CA10: variants seen among roughly 807,000 people sequenced by gnomAD.
CA10 encodes the protein carbonic anhydrase 10 (inactive).
In CA10, 14 loss-of-function variants were observed where a neutral mutation model predicts 44.2. The ratio of observed to expected loss-of-function variants is 0.32; its 90% CI spans 0.21 to 0.50. The LOEUF (loss-of-function observed/expected upper bound fraction) is 0.50. Ranked by LOEUF, CA10 falls within the 20% of genes least tolerant of loss-of-function variation. CA10 has a pLI of 0.99. For missense variants in CA10, 350 were observed against 409.7 expected (o/e 0.85, Z 1.26); for synonymous variants, 159 against 141.6 (o/e 1.12, Z -0.87).
At chr17:51,632,394 T>C (rs1044567120) in intron 8 of CA10, among the ~76,000 whole-genome samples, 4 of 152,132 alleles carry the variant, frequency 2.6e-5, no homozygotes, top group African/African-American at 9.7e-5. Flanking sequence ...GTGGAAAATA[T>C]GTAGTTTGGG....
At chr17:51,824,187 T>C (rs1241988247) in intron 3 of CA10, among the ~76,000 whole-genome samples, 1 of 152,234 alleles carries the variant, frequency 6.6e-6, no homozygotes, top group Non-Finnish European at 1.5e-5. Context: ...ATGGCTCTTT[T>C]ACTGAGAAAT....
At chr17:51,896,017 A>AT (rs1347331287) in intron 3 of CA10, among the ~76,000 whole-genome samples, 2 of 152,102 alleles carry the variant, frequency 1.3e-5, no homozygotes, top group Non-Finnish European at 2.9e-5. Context: ...GTTCCATGTT[A>AT]TTTTTTTAAA....
Position 51,731,325 on chromosome 17 carries a change from C to T in CA10, c.465+16308G>A, listed in dbSNP as rs535241104. Reference sequence around the variant, plus strand: ...CCGGGAGGTGGAGGTTGCAGTGAGCCGAGATTGTACCACTGCACTCCAGCC... The same window carrying T: ...CCGGGAGGTGGAGGTTGCAGTGAGCTGAGATTGTACCACTGCACTCCAGCC... On this transcript the variant is annotated intron_variant, in intron 4 of 8. Coordinates refer to ENST00000451037, the MANE Select transcript of CA10 (RefSeq NM_020178.5). 5.0e-4 allele frequency among the ~76,000 whole-genome samples: 76 copies of T among 152,176 alleles called. 1 individual carries two copies. The East Asian group carries it at 6.4e-3, about 13-fold the overall frequency.
rs550084844 is a variant in CA10, at chr17:51,653,446, G to GATATGATAATCTCC, written c.561+194_561+195insGGAGATTATCATAT. Among the ~76,000 whole-genome samples, 848 of 152,186 alleles carry GATATGATAATCTCC rather than the reference G, an allele frequency of 5.6e-3. 8 individuals carry two copies. Among genetic ancestry groups the GATATGATAATCTCC allele is most frequent in the Middle Eastern group, 6.8e-3 (2 of 294 alleles). On this transcript the variant is annotated intron_variant, in intron 5 of 8. Transcript: ENST00000451037. ...TCAGGCCCAGATGCTCTGAAATGGAGATTATCATTTTTGCATCTCACTGCA... is the reference window on the plus strand; with the variant it reads ...TCAGGCCCAGATGCTCTGAAATGGAGATATGATAATCTCCATTATCATTTTTGCATCTCACTGCA...
intron 2 of CA10, among the ~76,000 whole-genome samples, chr17:52,062,318 C>A (rs1987410932): frequency 6.6e-6 from 1 of 151,868 alleles, no homozygotes; most frequent in Non-Finnish European, 1.5e-5. Context: ...AAAAGGAAAG[C>A]AGAATATAAA....
intron 4 of CA10, among the ~76,000 whole-genome samples, chr17:51,693,559 T>G (rs2143434669): frequency 6.6e-6 from 1 of 152,270 alleles, no homozygotes; most frequent in South Asian, 2.1e-4. Flanking sequence ...GTACCCAATG[T>G]TTACCTCCTA....
At chr17:51,776,268 G>A (rs943077842) in intron 3 of CA10, among the ~76,000 whole-genome samples, 4 of 152,082 alleles carry the variant, frequency 2.6e-5, no homozygotes, top group East Asian at 1.9e-4. Flanking sequence ...CCAGCTACTC[G>A]GGAGGCTGAG....
At chr17:51,650,245 G>A (rs1470447369) in intron 5 of CA10, among the ~76,000 whole-genome samples, 2 of 152,048 alleles carry the variant, frequency 1.3e-5, no homozygotes, top group African/African-American at 2.4e-5. Flanking sequence ...CCTTTTCTGG[G>A]GTACCATTGT....
chr17:52,136,178 G>A (rs1273886384), intron 1 of CA10, among the ~76,000 whole-genome samples: 2 of 152,200 alleles, frequency 1.3e-5, no homozygotes, highest in Admixed American at 1.3e-4. Flanking sequence ...GACGGATGGA[G>A]GAACTGGATG....
intron 6 of CA10, among the ~76,000 whole-genome samples, chr17:51,647,434 T>C (rs1913385955): frequency 6.6e-6 from 1 of 151,906 alleles, no homozygotes; most frequent in African/African-American, 2.4e-5. Context: ...CTTTCTTCCT[T>C]TCCTCCCTTC....
chr17:51,961,885 G>A (rs557588914), intron 2 of CA10, among the ~76,000 whole-genome samples: 5 of 152,114 alleles, frequency 3.3e-5, no homozygotes, highest in African/African-American at 7.2e-5. Context: ...CGGCTCACCC[G>A]GATTGACAGC....
intron 1 of CA10, among the ~76,000 whole-genome samples, chr17:52,099,206 G>T (rs1378340942): frequency 1.3e-5 from 2 of 152,116 alleles, no homozygotes; most frequent in Non-Finnish European, 2.9e-5. Context: ...AGAATTTGAA[G>T]CAGGAAAGAG....
intron 2 of CA10, among the ~76,000 whole-genome samples, chr17:52,015,201 A>G (rs1985929738): frequency 6.6e-6 from 1 of 152,028 alleles, no homozygotes; most frequent in African/African-American, 2.4e-5. Flanking sequence ...GTATAATGAC[A>G]CTTTTTCTAA....
At chr17:51,989,070 C>T (rs946488221) in intron 2 of CA10, among the ~76,000 whole-genome samples, 5 of 151,808 alleles carry the variant, frequency 3.3e-5, no homozygotes, top group Admixed American at 3.3e-4. Flanking sequence ...GTTCACAGAT[C>T]AGCTGCATTG....
chr17:51,722,076 G>T (rs1372896879), intron 4 of CA10, among the ~76,000 whole-genome samples: 2 of 152,074 alleles, frequency 1.3e-5, no homozygotes, highest in East Asian at 3.9e-4. Flanking sequence ...TAACTCTTGC[G>T]ATCTGATGTT....
At chr17:52,140,014 A>T (rs1283149673) in intron 1 of CA10, among the ~76,000 whole-genome samples, 1 of 152,214 alleles carries the variant, frequency 6.6e-6, no homozygotes, top group Non-Finnish European at 1.5e-5. Flanking sequence ...GTGATCTGAA[A>T]TCCTTTCTAA....
intron 4 of CA10, among the ~76,000 whole-genome samples, chr17:51,731,978 C>T (rs1916739792): frequency 6.6e-6 from 1 of 152,200 alleles, no homozygotes; most frequent in Non-Finnish European, 1.5e-5. Flanking sequence ...AAGGTTATCT[C>T]ATACTAACTC....
At chr17:51,656,216 C>T (rs1182789444) in intron 4 of CA10, among the ~76,000 whole-genome samples, 1 of 152,180 alleles carries the variant, frequency 6.6e-6, no homozygotes, top group Non-Finnish European at 1.5e-5. Flanking sequence ...ATGTTCTGAA[C>T]AGAGGAGGGA....
At chr17:52,022,894 C>A (rs971463918) in intron 2 of CA10, among the ~76,000 whole-genome samples, 1 of 151,990 alleles carries the variant, frequency 6.6e-6, no homozygotes, top group Non-Finnish European at 1.5e-5. Flanking sequence ...AGGAATACAT[C>A]TAGCCAAGGG....
Sources: gnomAD v4.1 joint callset for allele counts (sites outside exome capture counted in the v4.1 genomes callset) on GRCh38, gnomAD v4.1.1 for gene constraint, MANE v1.5 for transcripts, NCBI Gene and HGNC (gene_info 2026-07-23, HGNC 2026-07-21) for gene names.